SLIT3: variants seen among roughly 807,000 people sequenced by gnomAD.
SLIT3 encodes slit guidance ligand 3.
SLIT3 carries 68 observed loss-of-function variants against 184.0 expected under a neutral mutation model. The ratio of observed to expected loss-of-function variants is 0.37; its 90% confidence interval spans 0.30 to 0.45. SLIT3 has a LOEUF of 0.45. SLIT3 is among the 20% of genes least tolerant of loss of function. The pLI is 1.00. For missense variants in SLIT3, 1,707 were observed against 2,026.0 expected (o/e 0.84, Z 3.02); for synonymous variants, 831 against 828.6 (o/e 1.00, Z -0.05).
intron 28 of SLIT3, 81 bp downstream of exon 28, chr5:168,696,211 G>C (rs1254198613): frequency 6.6e-7 from 1 of 1,514,190 alleles, no homozygotes; most frequent in Non-Finnish European, 9.1e-7. Context: ...GAGAGGAAGA[G>C]AGTCCCTGGA....
At chr5:168,916,321 A>G (rs966419102) in intron 4 of SLIT3, among the ~76,000 whole-genome samples, 10 of 152,244 alleles carry the variant, frequency 6.6e-5, no homozygotes, top group African/African-American at 1.9e-4. Context: ...TTAATCCAAC[A>G]GAGCTTTCTC....
At chr5:168,957,839 C>A (rs1004799067) in intron 4 of SLIT3, among the ~76,000 whole-genome samples, 1 of 152,198 alleles carries the variant, frequency 6.6e-6, no homozygotes, top group Non-Finnish European at 1.5e-5. Context: ...CACCGCATGA[C>A]CTTATCCAAG....
intron 4 of SLIT3, among the ~76,000 whole-genome samples, chr5:169,159,001 G>C (rs1762393188): frequency 6.6e-6 from 1 of 152,198 alleles, no homozygotes; most frequent in African/African-American, 2.4e-5. Context: ...CAGAGACTGA[G>C]GCCGGGCATG....
chr5:168,687,148 C>A, intron 29 of SLIT3, 32 bp from the exon 30 acceptor site: 1 of 1,605,312 alleles, frequency 6.2e-7, no homozygotes, highest in Non-Finnish European at 8.5e-7. Flanking sequence ...GGCCGTTCCT[C>A]AAGGCAAAGC....
chr5:169,130,057 G>A (rs577369699), intron 4 of SLIT3, among the ~76,000 whole-genome samples: 3 of 152,148 alleles, frequency 2.0e-5, no homozygotes, highest in Admixed American at 1.3e-4. Context: ...CCATTTTGGC[G>A]AGGCTGGTCT....
At chr5:169,269,958 C>G (rs531436772) in intron 1 of SLIT3, among the ~76,000 whole-genome samples, 11 of 152,306 alleles carry the variant, frequency 7.2e-5, no homozygotes, top group African/African-American at 2.6e-4. Flanking sequence ...GGAGGGAAAT[C>G]TGTTTCCTAT....
At chr5:169,068,759 C>T (rs987143075) in intron 4 of SLIT3, among the ~76,000 whole-genome samples, 1 of 151,992 alleles carries the variant, frequency 6.6e-6, no homozygotes, top group Non-Finnish European at 1.5e-5. Flanking sequence ...CACAACCCAC[C>T]CAGCTGGAGA....
chr5:168,708,615 G>A (rs1030559810), intron 25 of SLIT3: 6 of 166,528 alleles, frequency 3.6e-5, no homozygotes, highest in Admixed American at 3.4e-4. Context: ...AGGACACAGC[G>A]ATGATGCTGA....
At chr5:168,952,550 A>AAAAAAAAAAAAAAAAAAAAG (rs59047961) in intron 4 of SLIT3, among the ~76,000 whole-genome samples, 9 of 128,004 alleles carry the variant, frequency 7.0e-5, no homozygotes, top group African/African-American at 3.1e-4. Flanking sequence ...AAAAAAAAAG[A>AAAAAAAAAAAAAAAAAAAAG]GGGGAGAAGG....
At chr5:168,875,461 G>A (rs1759698148) in intron 5 of SLIT3, among the ~76,000 whole-genome samples, 1 of 151,980 alleles carries the variant, frequency 6.6e-6, no homozygotes, top group South Asian at 2.1e-4. Context: ...GTGTAACACT[G>A]TCTCTACTAA....
chr5:168,802,071 C>T (rs1172240625), intron 9 of SLIT3, among the ~76,000 whole-genome samples: 2 of 151,056 alleles, frequency 1.3e-5, no homozygotes, highest in East Asian at 1.9e-4. Context: ...TAACACAGTA[C>T]CAAGCATTCC....
chr5:168,835,371 G>T (rs1758016184), intron 6 of SLIT3, among the ~76,000 whole-genome samples: 1 of 151,950 alleles, frequency 6.6e-6, no homozygotes, highest in Non-Finnish European at 1.5e-5. Flanking sequence ...AAAGAAAATG[G>T]ACTCTCTAGA....
chr5:169,071,111 G>T (rs1277209194), intron 4 of SLIT3, among the ~76,000 whole-genome samples: 1 of 152,130 alleles, frequency 6.6e-6, no homozygotes, highest in Non-Finnish European at 1.5e-5. Context: ...TAATTAAGAG[G>T]CTATATGCCC....
At chr5:168,686,842 G>A in intron 30 of SLIT3, 137 bp downstream of exon 30, 1 of 929,688 alleles carries the variant, frequency 1.1e-6, no homozygotes, top group South Asian at 1.6e-5. Context: ...AGGTATCAGG[G>A]GAATAAAGGC....
intron 4 of SLIT3, among the ~76,000 whole-genome samples, chr5:168,907,583 C>T (rs891879527): frequency 2.0e-5 from 3 of 152,138 alleles, no homozygotes; most frequent in African/African-American, 7.2e-5. Flanking sequence ...AAGCTTGCTT[C>T]AGTGACTTCA....
intron 1 of SLIT3, among the ~76,000 whole-genome samples, chr5:169,287,910 T>C (rs1767213331): frequency 1.3e-5 from 2 of 152,102 alleles, no homozygotes; most frequent in South Asian, 4.1e-4. Context: ...ACTGGCCAAG[T>C]GAAGGTTCTT....
intron 4 of SLIT3, among the ~76,000 whole-genome samples, chr5:168,979,191 G>A (rs544312390): frequency 2.6e-5 from 4 of 152,278 alleles, no homozygotes; most frequent in East Asian, 3.9e-4. Context: ...CTCATGCTTC[G>A]GGGTTGCTCT....
intron 4 of SLIT3, among the ~76,000 whole-genome samples, chr5:169,151,821 C>T (rs1165028660): frequency 6.6e-6 from 1 of 152,194 alleles, no homozygotes; most frequent in Non-Finnish European, 1.5e-5. Context: ...GGCAGAAGAG[C>T]AAACTGGTGA....
At chr5:168,956,821 T>C (rs1350427763) in intron 4 of SLIT3, among the ~76,000 whole-genome samples, 3 of 151,076 alleles carry the variant, frequency 2.0e-5, no homozygotes, top group Admixed American at 6.6e-5. Context: ...AATCAGAAGG[T>C]AGCAAGATTT....
Sources: allele counts gnomAD v4.1 joint callset (sites outside exome capture counted in the v4.1 genomes callset), GRCh38; gene constraint gnomAD v4.1.1; transcripts MANE v1.5; gene names NCBI Gene and HGNC (gene_info 2026-07-23, HGNC 2026-07-21).